ST18: variants seen among roughly 807,000 people sequenced by gnomAD.
ST18 encodes the protein suppression of tumorigenicity 18 protein.
ST18 carries 50 observed loss-of-function variants against 110.0 expected under a neutral mutation model. That is an observed-to-expected ratio of 0.45 (90% CI 0.36 to 0.58). ST18 has a LOEUF of 0.58. ST18 is among the 20% of genes least tolerant of loss of function. The probability of loss-of-function intolerance (pLI) is 0.00; values close to 1 mark genes in which losing one functional copy is unlikely to be tolerated. For missense variants in ST18, 1,306 were observed against 1,280.1 expected, an observed-to-expected ratio of 1.02 and a Z score of -0.31; for synonymous variants, 461 against 452.4, an observed-to-expected ratio of 1.02 and a Z score of -0.24.
At chr8:52,292,693 ATTGAGT>A (rs1564429890) in intron 2 of ST18, among the ~76,000 whole-genome samples, 1 of 152,212 alleles carries the variant, frequency 6.6e-6, no homozygotes, top group African/African-American at 2.4e-5. Flanking sequence ...ATGTGTGTCT[ATTGAGT>A]TTAATTGTTT....
intron 2 of ST18, among the ~76,000 whole-genome samples, chr8:52,245,034 T>C (rs2093731245): frequency 6.6e-6 from 1 of 152,186 alleles, no homozygotes; most frequent in Non-Finnish European, 1.5e-5. Context: ...ATTTACTTCA[T>C]GAATGAACAT....
intron 2 of ST18, among the ~76,000 whole-genome samples, chr8:52,371,399 T>A (rs529725924): frequency 6.6e-6 from 1 of 152,312 alleles, no homozygotes; most frequent in Non-Finnish European, 1.5e-5. Context: ...TGAACATCAA[T>A]TGTCAAACAT....
At chr8:52,394,239 C>G (rs1376896353) in intron 2 of ST18, among the ~76,000 whole-genome samples, 1 of 152,168 alleles carries the variant, frequency 6.6e-6, no homozygotes, top group Non-Finnish European at 1.5e-5. Flanking sequence ...TCTGCCAATT[C>G]CACCTGTCAT....
intron 8 of ST18, among the ~76,000 whole-genome samples, chr8:52,203,392 A>G (rs1418982184): frequency 6.6e-6 from 1 of 152,148 alleles, no homozygotes; most frequent in Non-Finnish European, 1.5e-5. Context: ...CCTTTGTACC[A>G]TAGAATTTGA....
At chr8:52,300,034 T>C (rs2095693286) in intron 2 of ST18, among the ~76,000 whole-genome samples, 2 of 152,336 alleles carry the variant, frequency 1.3e-5, no homozygotes, top group South Asian at 4.1e-4. Flanking sequence ...TTGACACTTT[T>C]TGATAAATTC....
intron 8 of ST18, among the ~76,000 whole-genome samples, chr8:52,208,242 G>A (rs1381740807): frequency 6.6e-6 from 1 of 152,172 alleles, no homozygotes. Flanking sequence ...CACGTCCAAT[G>A]CATTCTAAAA....
intron 2 of ST18, among the ~76,000 whole-genome samples, chr8:52,343,311 C>G (rs1816060793): frequency 6.6e-6 from 1 of 152,122 alleles, no homozygotes; most frequent in Non-Finnish European, 1.5e-5. Context: ...GAGCACCGTG[C>G]CTGAACTGCT....
At chr8:52,393,069 C>A (rs1411774885) in intron 2 of ST18, among the ~76,000 whole-genome samples, 2 of 152,098 alleles carry the variant, frequency 1.3e-5, no homozygotes, top group African/African-American at 4.8e-5. Flanking sequence ...GCCTCCAGAC[C>A]CTATTCGCCT....
chr8:52,342,656 G>T (rs1235798796), intron 2 of ST18, among the ~76,000 whole-genome samples: 1 of 152,176 alleles, frequency 6.6e-6, no homozygotes, highest in African/African-American at 2.4e-5. Context: ...TGATGCAGGA[G>T]ATCTGGGGTG....
chr8:52,364,478 A>AT (rs111485974), intron 2 of ST18, among the ~76,000 whole-genome samples: 1,985 of 152,324 alleles, frequency 0.013, 50 homozygotes, highest in African/African-American at 0.046. Flanking sequence ...CACTTGCAGG[A>AT]TAAAAACCAG....
chr8:52,124,738 T>C (rs1205512017), intron 23 of ST18, among the ~76,000 whole-genome samples: 1 of 152,018 alleles, frequency 6.6e-6, no homozygotes, highest in Non-Finnish European at 1.5e-5. Flanking sequence ...GGGCTTTATT[T>C]CTCCTCTGCA....
chr8:52,340,231 A>G (rs1186055019), intron 2 of ST18, among the ~76,000 whole-genome samples: 1 of 152,280 alleles, frequency 6.6e-6, no homozygotes, highest in Admixed American at 6.5e-5. Context: ...TTATTCCAAC[A>G]CTGAAATTAT....
chr8:52,292,144 C>T (rs1448671652), intron 2 of ST18, among the ~76,000 whole-genome samples: 2 of 152,186 alleles, frequency 1.3e-5, no homozygotes, highest in East Asian at 3.8e-4. Flanking sequence ...ACTTGCAAAG[C>T]AGACATATGC....
intron 2 of ST18, among the ~76,000 whole-genome samples, chr8:52,281,812 A>G (rs986920843): frequency 1.3e-5 from 2 of 152,328 alleles, no homozygotes; most frequent in Admixed American, 6.5e-5. Flanking sequence ...CAAACATCAT[A>G]TGTTTTCCCT....
intron 2 of ST18, chr8:52,408,847 G>A (rs942608154): frequency 6.6e-6 from 1 of 152,184 alleles, no homozygotes; most frequent in Non-Finnish European, 1.5e-5. Context: ...GCGACAAATG[G>A]TTCAAGCATT....
intron 2 of ST18, among the ~76,000 whole-genome samples, chr8:52,270,502 C>T (rs894393773): frequency 4.6e-5 from 7 of 152,232 alleles, no homozygotes; most frequent in African/African-American, 1.7e-4. Flanking sequence ...TACCTGAAGT[C>T]CCCATGCCAT....
rs190243698 is a variant in ST18, at chr8:52,144,854, C to T, written c.2053-1809G>A. On this transcript the variant is annotated intron_variant, in intron 16 of 25. Coordinates refer to ENST00000689386, the MANE Select transcript of ST18 (RefSeq NM_001352837.2). Reference sequence around the variant, plus strand: ...TTTCAAAGTTTTATGCTGTAAATGGCTAAAATGAAAAAATTCCAAATTTTA... The same window carrying T: ...TTTCAAAGTTTTATGCTGTAAATGGTTAAAATGAAAAAATTCCAAATTTTA... 4.5e-3 allele frequency among the ~76,000 whole-genome samples: 679 copies of T among 152,162 alleles called. 8 individuals are homozygous for T. The highest frequency in any genetic ancestry group is 0.015 in the African/African-American group (628 of 41,538).
chr8:52,123,510 C>T (rs1400221739), intron 23 of ST18, among the ~76,000 whole-genome samples: 2 of 152,172 alleles, frequency 1.3e-5, no homozygotes, highest in Non-Finnish European at 2.9e-5. Context: ...ATCCAGGTGG[C>T]CTTTTTCTCA....
At chr8:52,188,693 C>A (rs942357994) in intron 8 of ST18, among the ~76,000 whole-genome samples, 2 of 152,076 alleles carry the variant, frequency 1.3e-5, no homozygotes, top group African/African-American at 2.4e-5. Flanking sequence ...TGGCAATAAA[C>A]CAGATGAGAG....
Sources: gnomAD v4.1 joint callset for allele counts (sites outside exome capture counted in the v4.1 genomes callset) on GRCh38, gnomAD v4.1.1 for gene constraint, MANE v1.5 for transcripts, NCBI Gene and HGNC (gene_info 2026-07-23, HGNC 2026-07-21) for gene names.